Variants in IL4R observed in about 807,000 individuals in gnomAD.
IL4R encodes the protein interleukin 4 receptor.
A neutral mutation model predicts 41.5 loss-of-function variants in IL4R; 17 were observed. That is an observed-to-expected ratio of 0.41 (90% CI 0.28 to 0.61). The LOEUF (loss-of-function observed/expected upper bound fraction) is 0.61, where lower values mean the gene tolerates loss of function less well. Among genes scored for constraint, IL4R ranks in the 20% least tolerant of loss-of-function variants. The pLI is 0.31. For synonymous variants in IL4R, 402 were observed against 422.9 expected, an observed-to-expected ratio of 0.95 and a Z score of 0.61; for missense variants, 974 against 1,043.1, an observed-to-expected ratio of 0.93 and a Z score of 0.91.
intron 6 of IL4R, among the ~76,000 whole-genome samples, chr16:27,347,417 C>T (rs3024687): frequency 6.6e-6 from 1 of 152,212 alleles, no homozygotes; most frequent in Non-Finnish European, 1.5e-5. Flanking sequence ...TCTCAAACTC[C>T]TGACCTCAGA....
Position 27,345,225 on chromosome 16 carries a change from C to G in IL4R, c.361+205C>G, listed in dbSNP as rs759026211. The G allele has an allele frequency of 2.8e-6, 2 of 706,962 alleles. No individual in the cohort carries two copies. The highest frequency in any genetic ancestry group is 5.1e-6 in the Non-Finnish European group (2 of 393,136). 43.8% of individuals were successfully genotyped at this position (706,962 alleles called of 1,614,324 possible). ...AACGGAGCTGGTCGCAGTAGACCAC[C>G]AAGCCCCCTTCAGCCCAGCTGTTTC... On this transcript the variant is annotated intron_variant, in intron 5 of 10. Coordinates refer to ENST00000395762, the MANE Select transcript of IL4R (RefSeq NM_000418.4). The surrounding 1 kb of genome is among the most constrained non-coding windows in gnomAD (Gnocchi z 4.5).
Position 27,346,621 on chromosome 16 carries a change from G to A in IL4R, c.513+3G>A, listed in dbSNP as rs766969508. ...GGAGTGAAAACGACCCGGCAGATGT[G>A]AGTGGGCATGCTTTGACGTTTTTCT... is the stretch of plus-strand genomic sequence containing the variant. On this transcript the variant is annotated splice_donor_region_variant and intron_variant, in intron 6 of 10. Transcript: ENST00000395762. 8.1e-6 allele frequency: 13 copies of A among 1,613,802 alleles called. No homozygotes were observed. The Admixed American group carries it at 1.2e-4, about 14-fold the overall frequency.
At chr16:27,340,344 C>A in intron 3 of IL4R, 71 bp downstream of exon 3, 1 of 1,178,600 alleles carries the variant, frequency 8.5e-7, no homozygotes, top group Non-Finnish European at 1.3e-6. Flanking sequence ...AGTATGTCAC[C>A]TGGCCTTATG....
At position 27,355,924 on chromosome 16, in the gene IL4R, G is replaced by A. The variant is rs1215135396; in HGVS notation, c.770+17G>A. On this transcript the variant is annotated intron_variant, in intron 8 of 10. Transcript: ENST00000395762. ...CATCACCAAGTGAGTCCTGGGCCCA[G>A]TGCTGCCGAGCAGTCCCTCTGGAGT... The A allele has an allele frequency of 6.3e-7, 1 of 1,582,306 alleles. No homozygotes were observed. The highest frequency in any genetic ancestry group is 1.7e-5 in the Admixed American group (1 of 59,976).
At chr16:27,323,738 T>C (rs1380359992) in intron 1 of IL4R, among the ~76,000 whole-genome samples, 1 of 152,026 alleles carries the variant, frequency 6.6e-6, no homozygotes, top group African/African-American at 2.4e-5. Context: ...TCACTGCAGC[T>C]GCGACCTCGT....
At chr16:27,339,137 G>A (rs1243201866) in intron 2 of IL4R, among the ~76,000 whole-genome samples, 5 of 152,064 alleles carry the variant, frequency 3.3e-5, no homozygotes, top group Non-Finnish European at 5.9e-5. Flanking sequence ...ATACAGGTGT[G>A]AGCTACTGTG....
chr16:27,331,959 CT>C (rs1248234904), intron 2 of IL4R, among the ~76,000 whole-genome samples: 1 of 151,698 alleles, frequency 6.6e-6, no homozygotes, highest in East Asian at 1.9e-4. Flanking sequence ...TATAGTGCCA[CT>C]TTTTTTTAAT....
chr16:27,359,462 A>G (rs1342344396), intron 9 of IL4R, among the ~76,000 whole-genome samples: 1 of 152,188 alleles, frequency 6.6e-6, no homozygotes, highest in Non-Finnish European at 1.5e-5. Context: ...GGGTGGAGTC[A>G]GCTTCCCCAA....
chr16:27,338,370 A>G (rs1217698294), intron 2 of IL4R, among the ~76,000 whole-genome samples: 1 of 151,264 alleles, frequency 6.6e-6, no homozygotes. Context: ...GGCATGCACC[A>G]CCGTGCCTGG....
In IL4R at chr16:27,363,774, AC is replaced by A; in HGVS notation, c.2427del (p.Ile811SerfsTer2). 6.2e-7 allele frequency: 1 copy of A among 1,611,216 alleles called. No homozygotes were observed. Reference protein sequence around the residue: ...APGNAQSSSQTPKIVNFVSVG... With the variant: ...APGNAQSSSQXPKIVNFVSVG... ...TGGCAATGCTCAGAGCTCAAGCCAG[AC>A]CCCCAAAATCGTGAACTTTGTCTCC... On this transcript the variant is annotated frameshift_variant, in exon 11 of 11. Coordinates refer to ENST00000395762, the MANE Select transcript of IL4R (RefSeq NM_000418.4). LOFTEE classifies it low-confidence loss of function (END_TRUNC).
At chr16:27,341,428 T>C (rs1488030273) in intron 3 of IL4R, 2 of 529,850 alleles carry the variant, frequency 3.8e-6, no homozygotes, top group African/African-American at 3.8e-5. Context: ...TGCAAGTTGT[T>C]GTCAGCTGAG....
At chr16:27,343,932 C>T (rs906594609) in intron 4 of IL4R, among the ~76,000 whole-genome samples, 6 of 152,048 alleles carry the variant, frequency 3.9e-5, no homozygotes, top group African/African-American at 9.7e-5. Context: ...ATTTGGGTGA[C>T]GGACCCACCA....
chr16:27,323,738 T>TG, intron 1 of IL4R, among the ~76,000 whole-genome samples: 1 of 152,144 alleles, frequency 6.6e-6, no homozygotes, highest in Non-Finnish European at 1.5e-5. Flanking sequence ...TCACTGCAGC[T>TG]GCGACCTCGT....
Position 27,363,959 on chromosome 16 carries a change from G to A in IL4R, c.*129G>A. On this transcript the variant is annotated 3_prime_UTR_variant, in exon 11 of 11. Coordinates refer to ENST00000395762, the MANE Select transcript of IL4R (RefSeq NM_000418.4). The stretch of plus-strand genomic sequence containing the variant: ...AGACTTGAAGAACCATGGTATGAAG[G>A]TGATTGGCCCCACTGACGTTGGCCT... The A allele has an allele frequency of 8.9e-7, 1 of 1,127,500 alleles. No homozygotes were observed. Among genetic ancestry groups the A allele is most frequent in the Non-Finnish European group, 1.3e-6 (1 of 794,438 alleles). The allele number at this position is 1,127,500 out of a possible 1,614,324, so 69.8% of individuals were successfully genotyped here.
In IL4R at chr16:27,363,175, G is replaced by A. The variant is rs2086366983; in HGVS notation, c.1823G>A (p.Ser608Asn). The change falls in exon 11 of 11, where the codon AGC becomes AAC. Residue 608 changes from serine to asparagine, a missense_variant. Physicochemically the swap from Ser to Asn is conservative, Grantham distance 46 (BLOSUM62 1). Around this residue, in one of 3 missense-constraint regions of IL4R, gnomAD observed 682 missense variants for 704.3 expected, o/e 0.97. Transcript: ENST00000395762. ...GAGGCTGGTTACAAGGCCTTCTCAA[G>A]CCTGCTTGCCAGCAGTGCTGTGTCC... is the stretch of plus-strand genomic sequence containing the variant. ...PGEAGYKAFS[S>N]LLASSAVSPE... is the part of the protein sequence containing the mutation. The A allele has an allele frequency of 1.2e-6, 2 of 1,611,854 alleles. No homozygotes were observed. Among genetic ancestry groups the A allele is most frequent in the Admixed American group, 3.3e-5 (2 of 59,856 alleles).
intron 2 of IL4R, among the ~76,000 whole-genome samples, chr16:27,330,580 A>T (rs993738295): frequency 6.6e-6 from 1 of 151,932 alleles, no homozygotes; most frequent in Non-Finnish European, 1.5e-5. Flanking sequence ...TTGCGTACGC[A>T]TGTGTGGTTT....
chr16:27,338,744 C>T (rs140489212), intron 2 of IL4R, among the ~76,000 whole-genome samples: 1 of 152,206 alleles, frequency 6.6e-6, no homozygotes, highest in Non-Finnish European at 1.5e-5. Context: ...GAAGACACAG[C>T]AGCATGGCAT....
chr16:27,352,721 T>C (rs373480882), intron 7 of IL4R, 25 bp downstream of exon 7: 19 of 1,609,248 alleles, frequency 1.2e-5, no homozygotes, highest in Admixed American at 8.4e-5. Flanking sequence ...GCCTAAGCAA[T>C]GGTAATCTCC....
intron 10 of IL4R, chr16:27,361,083 G>A: frequency 7.4e-7 from 1 of 1,350,252 alleles, no homozygotes; most frequent in Non-Finnish European, 9.6e-7. Context: ...CGTGCCTGTT[G>A]TTAAAATCTT....
Sources: gnomAD v4.1 joint callset for allele counts (sites outside exome capture counted in the v4.1 genomes callset) on GRCh38, gnomAD v4.1.1 for gene constraint, gnomAD v4.1.1 regional missense constraint, Gnocchi (gnomAD v3.1) non-coding constraint, MANE v1.5 for transcripts, NCBI Gene and HGNC (gene_info 2026-07-23, HGNC 2026-07-21) for gene names.